Variants in C12orf42 observed in about 807,000 individuals in gnomAD.
C12orf42 encodes the protein uncharacterized protein C12orf42.
In C12orf42, 25 loss-of-function variants were observed where a neutral mutation model predicts 21.6. The observed-to-expected ratio is 1.16, with a 90% confidence interval of 0.84 to 1.62. C12orf42 has a LOEUF of 1.62. Ranked by LOEUF, C12orf42 falls within the 40% of genes most tolerant of loss-of-function variation. The pLI is 0.00. For synonymous variants in C12orf42, 174 were observed against 175.0 expected (o/e 0.99, Z 0.05); for missense variants, 483 against 459.3 (o/e 1.05, Z -0.47).
chr12:103,306,930 C>T (rs1392272658), intron 4 of C12orf42, among the ~76,000 whole-genome samples: 1 of 152,046 alleles, frequency 6.6e-6, no homozygotes, highest in Non-Finnish European at 1.5e-5. Flanking sequence ...AGAGGGAAGA[C>T]CCAGGTGAAG....
chr12:103,306,279 A>T lies in C12orf42; in HGVS notation c.326T>A (p.Val109Asp). The change falls in exon 5 of 6, where the codon GTC becomes GAC. Residue 109 changes from valine (V) to aspartate (D), a missense_variant. Val to Asp is a radical substitution (Grantham distance 152). Transcript: ENST00000548883. ...AACTGTGCTTACAGAACACCTGGGGACTATGTACTGGCAAGTATGAAGTAG... is the reference window on the plus strand; with the variant it reads ...AACTGTGCTTACAGAACACCTGGGGTCTATGTACTGGCAAGTATGAAGTAG... ...KRLLHTCQYI[V>D]PRCSVSTVSF... The T allele has an allele frequency of 6.2e-7, 1 of 1,613,734 alleles. No individual in the cohort carries two copies. The highest frequency in any genetic ancestry group is 1.7e-5 in the Admixed American group (1 of 59,896).
chr12:103,176,776 C>T, the C12orf42 span, among the ~76,000 whole-genome samples: 1 of 152,178 alleles, frequency 6.6e-6, no homozygotes. Context: ...AATCTGGCAA[C>T]CACATAGGAA....
rs1593356821 is a variant in C12orf42 at position 103,306,237 on chromosome 12, C to T, written c.368G>A (p.Ser123Asn). ...TGGAGAGGAACGGAATTCTTCATAG[C>T]TTTCTTCATCAAAAGAAACTGTGCT... ...SVSTVSFDEE[S>N]YEEFRSSPAP... is the part of the protein sequence containing the mutation. The change falls in exon 5 of 6, where the codon AGC becomes AAC. Residue 123 changes from serine (S) to asparagine (N), a missense_variant. Ser to Asn is a conservative substitution (Grantham distance 46). Coordinates refer to ENST00000548883, the MANE Select transcript of C12orf42 (RefSeq NM_198521.5). The T allele has an allele frequency of 1.2e-6, 2 of 1,613,862 alleles. No individual in the cohort carries two copies. The highest frequency in any genetic ancestry group is 4.5e-5 in the East Asian group (2 of 44,872).
At chr12:103,359,414 C>G (rs1258160474) in intron 4 of C12orf42, among the ~76,000 whole-genome samples, 1 of 151,956 alleles carries the variant, frequency 6.6e-6, no homozygotes, top group East Asian at 1.9e-4. Flanking sequence ...TGAAACAACC[C>G]AAATGTTCTT....
At chr12:103,194,068 A>G in the C12orf42 span, among the ~76,000 whole-genome samples, 1 of 152,188 alleles carries the variant, frequency 6.6e-6, no homozygotes, top group Non-Finnish European at 1.5e-5. Context: ...AATGAAGGAT[A>G]AAATCATATT....
At chr12:103,496,810 C>CA (rs1256628593), upstream of C12orf42, among the ~76,000 whole-genome samples, 1 of 79,974 alleles carries the variant, frequency 1.3e-5, no homozygotes, top group Non-Finnish European at 2.9e-5. Flanking sequence ...TATTTCTAGC[C>CA]GGGAAAAAAA....
the C12orf42 span, chr12:103,159,672 A>T: frequency 2.6e-5 from 4 of 152,346 alleles, 1 homozygote; most frequent in Middle Eastern, 6.8e-3. Flanking sequence ...ACCATTTGCC[A>T]TCCATTTAAT....
the C12orf42 span, among the ~76,000 whole-genome samples, chr12:103,077,839 A>G: frequency 6.6e-6 from 1 of 152,204 alleles, no homozygotes; most frequent in Admixed American, 6.5e-5. Context: ...CAGTGTTAGG[A>G]ATCTAAATTC....
the C12orf42 span, among the ~76,000 whole-genome samples, chr12:103,227,558 C>A: frequency 6.6e-6 from 1 of 151,550 alleles, no homozygotes; most frequent in Non-Finnish European, 1.5e-5. Context: ...GAAGGAGAAG[C>A]GGTTGAGGGG....
At chr12:103,554,314 G>A in the C12orf42 span, among the ~76,000 whole-genome samples, 3 of 152,184 alleles carry the variant, frequency 2.0e-5, no homozygotes, top group Non-Finnish European at 4.4e-5. Context: ...AAACCAGGTG[G>A]TGGGGAGAAA....
the C12orf42 span, chr12:103,503,768 A>G: frequency 4.0e-4 from 61 of 153,076 alleles, no homozygotes; most frequent in South Asian, 9.3e-3. Flanking sequence ...CTGCTGGCCA[A>G]TTGCACTGAA....
the C12orf42 span, among the ~76,000 whole-genome samples, chr12:103,053,258 C>A: frequency 3.3e-5 from 5 of 151,680 alleles, no homozygotes; most frequent in African/African-American, 1.2e-4. Flanking sequence ...GCAGTTTTCC[C>A]CAGTGATAAC....
chr12:103,269,400 T>C (rs1780800476), intron 6 of C12orf42, among the ~76,000 whole-genome samples: 1 of 152,152 alleles, frequency 6.6e-6, no homozygotes, highest in Admixed American at 6.6e-5. Context: ...GACAGGGCCA[T>C]ACTCATATTG....
chr12:103,493,611 TA>T (rs1239862352), intron 1 of C12orf42, among the ~76,000 whole-genome samples: 2 of 151,752 alleles, frequency 1.3e-5, no homozygotes, highest in African/African-American at 4.8e-5. Context: ...CCTCAACTTG[TA>T]GCTCTTTATT....
At chr12:103,053,729 A>G in the C12orf42 span, among the ~76,000 whole-genome samples, 52 of 152,006 alleles carry the variant, frequency 3.4e-4, no homozygotes, top group African/African-American at 1.1e-3. Flanking sequence ...TTGTATTTCT[A>G]CAGTTTTCAT....
chr12:103,239,902 T>C (rs895429205), intron 10 of C12orf42, among the ~76,000 whole-genome samples: 7 of 152,132 alleles, frequency 4.6e-5, no homozygotes, highest in South Asian at 2.1e-4. Flanking sequence ...CTGGCTTGCA[T>C]CCTATCTTGG....
chr12:103,158,480 C>A, the C12orf42 span, among the ~76,000 whole-genome samples: 4 of 152,132 alleles, frequency 2.6e-5, no homozygotes, highest in Non-Finnish European at 5.9e-5. Context: ...TTGTTTTTAA[C>A]CTTATCTTCC....
chr12:103,252,361 A>T (rs1253487466), intron 10 of C12orf42, among the ~76,000 whole-genome samples: 1 of 152,194 alleles, frequency 6.6e-6, no homozygotes, highest in Non-Finnish European at 1.5e-5. Flanking sequence ...TCCTTGAGGA[A>T]TTGCCACACT....
At chr12:103,113,045 C>T in the C12orf42 span, among the ~76,000 whole-genome samples, 1 of 151,922 alleles carries the variant, frequency 6.6e-6, no homozygotes, top group African/African-American at 2.4e-5. Context: ...AGGTTTGCAA[C>T]CATCTAACGT....
Sources: gnomAD v4.1 joint callset for allele counts (sites outside exome capture counted in the v4.1 genomes callset) on GRCh38, gnomAD v4.1.1 for gene constraint, MANE v1.5 for transcripts, NCBI Gene and HGNC (gene_info 2026-07-23, HGNC 2026-07-21) for gene names.